NAALADL2: variants seen among roughly 807,000 people sequenced by gnomAD.
NAALADL2 encodes the protein inactive N-acetylated-alpha-linked acidic dipeptidase-like protein 2.
Under a neutral mutation model 87.2 loss-of-function variants are expected in NAALADL2, and 76 were observed. The observed-to-expected ratio is 0.87, with a 90% CI of 0.72 to 1.05. The LOEUF (loss-of-function observed/expected upper bound fraction) is 1.05, where lower values mean the gene tolerates loss of function less well. Among genes scored for constraint, NAALADL2 ranks in the 50% least tolerant of loss-of-function variants. NAALADL2 has a pLI of 0.00. For synonymous variants in NAALADL2, 354 were observed against 331.0 expected (o/e 1.07, Z -0.75); for missense variants, 1,089 against 945.8 (o/e 1.15, Z -1.99).
intron 2 of NAALADL2, among the ~76,000 whole-genome samples, chr3:174,708,552 A>T (rs1730323793): frequency 6.6e-6 from 1 of 152,212 alleles, no homozygotes; most frequent in Non-Finnish European, 1.5e-5. Flanking sequence ...ACTCATAATT[A>T]TAAAATTACA....
chr3:175,064,270 CA>C (rs1240359003), intron 1 of NAALADL2, among the ~76,000 whole-genome samples: 1 of 149,584 alleles, frequency 6.7e-6, no homozygotes, highest in Non-Finnish European at 1.5e-5. Context: ...AGAAAAACGA[CA>C]ACAAAACCAC....
At chr3:174,760,884 G>T (rs1712844387) in intron 3 of NAALADL2, among the ~76,000 whole-genome samples, 1 of 152,108 alleles carries the variant, frequency 6.6e-6, no homozygotes, top group African/African-American at 2.4e-5. Flanking sequence ...TTTATTCTTT[G>T]TGATTGTCCA....
chr3:174,527,963 A>C (rs1447973224), intron 1 of NAALADL2, among the ~76,000 whole-genome samples: 1 of 152,188 alleles, frequency 6.6e-6, no homozygotes, highest in African/African-American at 2.4e-5. Flanking sequence ...TGGTTAATAA[A>C]GTTTTACTGG....
chr3:175,671,981 T>G (rs1166716813), intron 11 of NAALADL2, among the ~76,000 whole-genome samples: 2 of 152,122 alleles, frequency 1.3e-5, no homozygotes, highest in African/African-American at 2.4e-5. Flanking sequence ...TCTAAGGCAA[T>G]ATCGAACAGT....
At chr3:175,360,308 A>G (rs1223455109) in intron 5 of NAALADL2, among the ~76,000 whole-genome samples, 1 of 152,126 alleles carries the variant, frequency 6.6e-6, no homozygotes, top group Non-Finnish European at 1.5e-5. Context: ...CCCAAGTTAC[A>G]CAAACTTACT....
chr3:174,816,970 A>G (rs1720881414), intron 3 of NAALADL2, among the ~76,000 whole-genome samples: 1 of 152,230 alleles, frequency 6.6e-6, no homozygotes, highest in Admixed American at 6.5e-5. Flanking sequence ...TTAATAATAC[A>G]AAATTTGGTA....
At chr3:174,491,281 C>A (rs576737935) in intron 1 of NAALADL2, among the ~76,000 whole-genome samples, 20 of 152,234 alleles carry the variant, frequency 1.3e-4, no homozygotes, top group Non-Finnish European at 2.1e-4. Context: ...ATTATATAGC[C>A]ATCTTCCTCA....
chr3:175,269,109 T>TTCACCA (rs1752417400), intron 4 of NAALADL2, among the ~76,000 whole-genome samples: 2 of 146,156 alleles, frequency 1.4e-5, no homozygotes, highest in African/African-American at 4.9e-5. Context: ...TGACTAATAT[T>TTCACCA]TGTATTTTCA....
At chr3:175,116,895 T>C (rs2108534064) in intron 2 of NAALADL2, among the ~76,000 whole-genome samples, 1 of 152,208 alleles carries the variant, frequency 6.6e-6, no homozygotes, top group African/African-American at 2.4e-5. Context: ...AACAGCATGG[T>C]CCTGGTACCA....
intron 1 of NAALADL2, among the ~76,000 whole-genome samples, chr3:174,885,080 A>G (rs564496812): frequency 1.4e-4 from 22 of 152,206 alleles, no homozygotes; most frequent in Admixed American, 9.2e-4. Flanking sequence ...CTTCTGGCAA[A>G]AAAGTTTCAT....
chr3:175,270,937 A>G (rs1185894312), intron 4 of NAALADL2: 1 of 152,188 alleles, frequency 6.6e-6, no homozygotes, highest in Non-Finnish European at 1.5e-5. Context: ...GGCCTATAAG[A>G]AATATGTTTG....
At chr3:175,700,855 C>A (rs115103704) in intron 11 of NAALADL2, among the ~76,000 whole-genome samples, 1,808 of 152,116 alleles carry the variant, frequency 0.012, 32 homozygotes, top group African/African-American at 0.042. Flanking sequence ...AAAATCCCAT[C>A]AGTCTAAAGT....
intron 1 of NAALADL2, among the ~76,000 whole-genome samples, chr3:174,456,741 T>A (rs138227536): frequency 0.02 from 3,034 of 152,110 alleles, 103 homozygotes; most frequent in African/African-American, 0.062. Context: ...AAGACTTAAA[T>A]GTAAAACCCA....
rs554044232 is a variant in NAALADL2, at chr3:175,497,125, G to T, written c.1653+25367G>T. ...TTCTCACTCTATTCCCTAGGCTGGA[G>T]TGCAGTGACATGACCATAGCTCACT... On this transcript the variant is annotated intron_variant, in intron 9 of 13. Coordinates refer to ENST00000454872, the MANE Select transcript of NAALADL2 (RefSeq NM_207015.3). Among the ~76,000 whole-genome samples the T allele has an allele frequency of 5.9e-5, 9 of 152,140 alleles. No homozygotes were observed. The South Asian group carries it at 1.5e-3, about 25-fold the overall frequency.
chr3:175,761,022 A>C (rs773654644), intron 13 of NAALADL2, among the ~76,000 whole-genome samples: 5 of 152,226 alleles, frequency 3.3e-5, no homozygotes, highest in Admixed American at 1.3e-4. Context: ...ATTTGTTACC[A>C]TGAGCCAATC....
intron 11 of NAALADL2, among the ~76,000 whole-genome samples, chr3:175,667,179 AAGAG>A (rs58208557): frequency 2.8e-5 from 3 of 106,126 alleles, no homozygotes; most frequent in South Asian, 3.0e-4. Context: ...GAAAGAAAGA[AAGAG>A]AAAGAAAGAA....
chr3:174,626,892 A>T (rs1721631114), intron 2 of NAALADL2, among the ~76,000 whole-genome samples: 1 of 152,078 alleles, frequency 6.6e-6, no homozygotes. Flanking sequence ...TTCATGTATA[A>T]TGTCCCTATA....
At chr3:174,658,060 G>T (rs1725145477) in intron 2 of NAALADL2, among the ~76,000 whole-genome samples, 2 of 151,974 alleles carry the variant, frequency 1.3e-5, no homozygotes, top group Non-Finnish European at 2.9e-5. Context: ...TCCAATTTTT[G>T]GCAATTATGA....
intron 1 of NAALADL2, among the ~76,000 whole-genome samples, chr3:175,013,303 T>TATA (rs1560476455): frequency 3.7e-4 from 37 of 101,066 alleles, no homozygotes; most frequent in Non-Finnish European, 6.2e-4. Flanking sequence ...ATATATATAT[T>TATA]TTTTTTTTTT....
Sources: gnomAD v4.1 joint callset for allele counts (sites outside exome capture counted in the v4.1 genomes callset) on GRCh38, gnomAD v4.1.1 for gene constraint, MANE v1.5 for transcripts, NCBI Gene and HGNC (gene_info 2026-07-23, HGNC 2026-07-21) for gene names.